NRXN1: variants seen among roughly 807,000 people sequenced by gnomAD.
The protein encoded by NRXN1 is neurexin 1.
NRXN1 carries 39 observed loss-of-function variants against 150.9 expected under a neutral mutation model. The ratio of observed to expected loss-of-function variants is 0.26; its 90% confidence interval spans 0.20 to 0.34. The LOEUF is 0.34. NRXN1 is among the 10% of genes least tolerant of loss of function. The pLI is 1.00. For missense variants in NRXN1, 1,815 were observed against 1,949.9 expected, an observed-to-expected ratio of 0.93 and a Z score of 1.30; for synonymous variants, 924 against 757.0, an observed-to-expected ratio of 1.22 and a Z score of -3.62.
chr2:50,787,298 G>T (rs1488202650), intron 5 of NRXN1, among the ~76,000 whole-genome samples: 1 of 152,036 alleles, frequency 6.6e-6, no homozygotes, highest in African/African-American at 2.4e-5. Flanking sequence ...TGTGGCTCAT[G>T]CCTGTAATCC....
chr2:50,166,277 G>GTA (rs1183968587), intron 18 of NRXN1, among the ~76,000 whole-genome samples: 1 of 116,642 alleles, frequency 8.6e-6, no homozygotes, highest in Non-Finnish European at 1.8e-5. Flanking sequence ...AGTACTCAAC[G>GTA]TATGTGTGTG....
Position 50,078,546 on chromosome 2 carries a change from C to T in NRXN1, c.3718+12777G>A, listed in dbSNP as rs758062087. Among the ~76,000 whole-genome samples, 71 of 151,654 alleles carry T rather than the reference C, an allele frequency of 4.7e-4. 1 individual carries two copies. The highest frequency in any genetic ancestry group is 3.8e-4 in the Non-Finnish European group (26 of 67,912). On this transcript the variant is annotated intron_variant, in intron 19 of 22. Transcript: ENST00000401669. ...TGTTTTACCAGTTTTCAACTAATGT[C>T]CTTTTTCTATTGCAGGATCTAACCC... is the stretch of plus-strand genomic sequence containing the variant.
chr2:50,182,635 TA>T (rs1402730255), intron 18 of NRXN1, among the ~76,000 whole-genome samples: 1 of 152,060 alleles, frequency 6.6e-6, no homozygotes, highest in East Asian at 1.9e-4. Context: ...CTGGTTGTCT[TA>T]AAACCTGCTC....
intron 2 of NRXN1, among the ~76,000 whole-genome samples, chr2:50,971,038 C>T (rs1694911908): frequency 6.6e-6 from 1 of 152,052 alleles, no homozygotes; most frequent in African/African-American, 2.4e-5. Flanking sequence ...TTGCCCTAAT[C>T]AAGATTTGTG....
In NRXN1 at chr2:49,922,009, G is replaced by C; in HGVS notation, c.4459C>G (p.Gln1487Glu). Residue 1487 changes from glutamine to glutamate, a missense_variant, in exon 23 of 23, where the codon CAA (glutamine) becomes GAA (glutamate). By Grantham distance (29) the Gln-to-Glu change is conservative. This residue lies in a region of NRXN1 where 265 missense variants were observed against 307.1 expected (regional missense o/e 0.86). Transcript: ENST00000401669. ...TTGGAGCTTTTCGCACTGCTGGGTTGTTTCTCCTTTACAACAGCCCCATTG... is the reference window on the plus strand; with the variant it reads ...TTGGAGCTTTTCGCACTGCTGGGTTCTTTCTCCTTTACAACAGCCCCATTG... The part of the protein sequence containing the change: ...QSNGAVVKEK[Q>E]PSSAKSSNKN... 1 of 1,614,110 alleles carries C rather than the reference G, an allele frequency of 6.2e-7. No individual in the cohort carries two copies. Among genetic ancestry groups the C allele is most frequent in the Admixed American group, 1.7e-5 (1 of 60,022 alleles).
intron 5 of NRXN1, among the ~76,000 whole-genome samples, chr2:50,630,814 A>G (rs1682167357): frequency 6.6e-6 from 1 of 151,712 alleles, no homozygotes; most frequent in Admixed American, 6.6e-5. Context: ...TGCTTCATTT[A>G]TTTTTCTATT....
intron 17 of NRXN1, among the ~76,000 whole-genome samples, chr2:50,372,134 C>A (rs2080074580): frequency 1.3e-5 from 2 of 152,074 alleles, no homozygotes; most frequent in Non-Finnish European, 2.9e-5. Flanking sequence ...CAAGATCCCT[C>A]AGTATTCTAG....
intron 22 of NRXN1, among the ~76,000 whole-genome samples, chr2:49,940,485 A>C (rs1423396293): frequency 2.6e-5 from 4 of 152,196 alleles, no homozygotes; most frequent in Non-Finnish European, 5.9e-5. Flanking sequence ...AAAGAAATTT[A>C]AGAAAACCAG....
intron 17 of NRXN1, among the ~76,000 whole-genome samples, chr2:50,280,570 T>C (rs901328524): frequency 7.2e-5 from 11 of 152,256 alleles, no homozygotes; most frequent in Admixed American, 7.2e-4. Context: ...CTCAGCCTCC[T>C]CATCTGTAAA....
chr2:50,561,496 A>G (rs1226618356), intron 8 of NRXN1, among the ~76,000 whole-genome samples: 2 of 152,240 alleles, frequency 1.3e-5, no homozygotes, highest in African/African-American at 4.8e-5. Flanking sequence ...CCAAGTTGGC[A>G]TCAATCTCTG....
At chr2:50,474,374 A>T (rs563522314) in intron 15 of NRXN1, among the ~76,000 whole-genome samples, 2 of 151,988 alleles carry the variant, frequency 1.3e-5, no homozygotes, top group African/African-American at 4.8e-5. Flanking sequence ...CTTTCAGTCA[A>T]GCAGGAGATA....
At chr2:49,998,622 T>G (rs979877613) in intron 21 of NRXN1, among the ~76,000 whole-genome samples, 20 of 152,130 alleles carry the variant, frequency 1.3e-4, no homozygotes, top group Non-Finnish European at 2.8e-4. Flanking sequence ...AATGCAGTAT[T>G]CACTTCCCTG....
chr2:50,392,505 AAAAG>A (rs1451445109), intron 17 of NRXN1, among the ~76,000 whole-genome samples: 1 of 152,178 alleles, frequency 6.6e-6, no homozygotes, highest in Non-Finnish European at 1.5e-5. Flanking sequence ...GGTAAGGTGA[AAAAG>A]AGATGTCTTT....
chr2:50,810,539 G>T (rs951788109), intron 5 of NRXN1, among the ~76,000 whole-genome samples: 1 of 152,078 alleles, frequency 6.6e-6, no homozygotes, highest in Non-Finnish European at 1.5e-5. Context: ...ACATAAACAA[G>T]CCTAGTAAGT....
At chr2:49,934,391 C>T (rs999297908) in intron 22 of NRXN1, among the ~76,000 whole-genome samples, 1 of 152,182 alleles carries the variant, frequency 6.6e-6, no homozygotes, top group South Asian at 2.1e-4. Flanking sequence ...GGTGCCCGCA[C>T]AGCATCTATA....
At chr2:50,304,976 G>C (rs540083429) in intron 17 of NRXN1, among the ~76,000 whole-genome samples, 1 of 152,220 alleles carries the variant, frequency 6.6e-6, no homozygotes, top group East Asian at 1.9e-4. Context: ...TGTAATCCCA[G>C]CTACTCGGGA....
chr2:50,569,868 C>T (rs1405805511), intron 8 of NRXN1, among the ~76,000 whole-genome samples: 1 of 152,070 alleles, frequency 6.6e-6, no homozygotes, highest in Non-Finnish European at 1.5e-5. Context: ...AACATTTTAG[C>T]TCTCCACATT....
chr2:50,848,044 C>T (rs1673940908), intron 5 of NRXN1, among the ~76,000 whole-genome samples: 1 of 152,174 alleles, frequency 6.6e-6, no homozygotes, highest in African/African-American at 2.4e-5. Flanking sequence ...TCTAATGGAT[C>T]TGGTTAACAC....
intron 17 of NRXN1, among the ~76,000 whole-genome samples, chr2:50,326,363 A>G (rs945610205): frequency 7.2e-5 from 11 of 152,216 alleles, no homozygotes; most frequent in Non-Finnish European, 1.5e-4. Flanking sequence ...TGAAATTATT[A>G]TTTTGTACTT....
Sources: allele counts gnomAD v4.1 joint callset (sites outside exome capture counted in the v4.1 genomes callset), GRCh38; gene constraint gnomAD v4.1.1; regional missense constraint gnomAD v4.1.1; transcripts MANE v1.5; gene names NCBI Gene and HGNC (gene_info 2026-07-23, HGNC 2026-07-21).